Variants in RYK observed in about 807,000 individuals in gnomAD.
RYK encodes the protein inactive tyrosine-protein kinase RYK.
A neutral mutation model predicts 70.2 loss-of-function variants in RYK; 21 were observed. That is an observed-to-expected ratio of 0.30 (90% CI 0.21 to 0.43). The LOEUF is 0.43. Among genes scored for constraint, RYK ranks in the 20% least tolerant of loss-of-function variants. The pLI, the probability that RYK is intolerant of heterozygous loss-of-function variation, is 1.00. For synonymous variants in RYK, 267 were observed against 278.0 expected (o/e 0.96, Z 0.39); for missense variants, 604 against 753.3 (o/e 0.80, Z 2.32).
In RYK at chr3:134,220,639, GTTC is replaced by G. The variant is rs547148798; in HGVS notation, c.354+1776_354+1778del. On this transcript the variant is annotated intron_variant, in intron 2 of 14. Coordinates refer to ENST00000623711, the MANE Select transcript of RYK (RefSeq NM_002958.4). ...TGCACAAAAACTTCTGAACAAAGAT[GTTC>G]TTAACATATTTATATACATACACAC... Among the ~76,000 whole-genome samples the G allele has an allele frequency of 4.6e-3, 698 of 152,220 alleles. 2 individuals are homozygous for G. Among genetic ancestry groups the G allele is most frequent in the African/African-American group, 0.016 (668 of 41,520 alleles).
At chr3:134,174,167 G>C (rs376502425) in intron 13 of RYK, among the ~76,000 whole-genome samples, 2 of 152,212 alleles carry the variant, frequency 1.3e-5, no homozygotes, top group South Asian at 4.1e-4. Context: ...ACAGCCACCA[G>C]AGCTGAAAGA....
At chr3:134,204,438 G>T (rs1383891880) in intron 5 of RYK, among the ~76,000 whole-genome samples, 2 of 152,066 alleles carry the variant, frequency 1.3e-5, no homozygotes, top group Non-Finnish European at 2.9e-5. Context: ...GGCAGAGGTT[G>T]CAGTGAGCCA....
chr3:134,245,267 G>A (rs1047215935), intron 1 of RYK, among the ~76,000 whole-genome samples: 10 of 151,848 alleles, frequency 6.6e-5, no homozygotes, highest in African/African-American at 1.9e-4. Context: ...ACTGCCACAC[G>A]TCATCTTCAA....
chr3:134,176,536 C>T (rs764310639), intron 11 of RYK, among the ~76,000 whole-genome samples: 24 of 151,710 alleles, frequency 1.6e-4, no homozygotes, highest in Non-Finnish European at 2.9e-4. Context: ...CCCAGGAGTT[C>T]GAGACCAACC....
chr3:134,163,390 A>T (rs1253531306), intron 13 of RYK, among the ~76,000 whole-genome samples: 1 of 152,234 alleles, frequency 6.6e-6, no homozygotes, highest in Non-Finnish European at 1.5e-5. Context: ...GAAAGGGGGC[A>T]ATAAGAAGGT....
At chr3:134,242,956 C>T (rs1338028312) in intron 1 of RYK, among the ~76,000 whole-genome samples, 2 of 152,194 alleles carry the variant, frequency 1.3e-5, no homozygotes, top group East Asian at 3.9e-4. Flanking sequence ...CACCAAAACG[C>T]CTAGGGTTAA....
chr3:134,192,894 T>C (rs893003601), intron 7 of RYK, among the ~76,000 whole-genome samples: 16 of 152,226 alleles, frequency 1.1e-4, no homozygotes, highest in African/African-American at 3.9e-4. Context: ...TGAGTATATG[T>C]GAATGTTTAA....
intron 13 of RYK, among the ~76,000 whole-genome samples, chr3:134,160,588 C>T (rs2012427139): frequency 6.6e-6 from 1 of 152,084 alleles, no homozygotes; most frequent in African/African-American, 2.4e-5. Context: ...TATTTTAGGG[C>T]CAGGCACGGT....
chr3:134,215,694 T>C (rs188406451), intron 2 of RYK, among the ~76,000 whole-genome samples: 1 of 152,108 alleles, frequency 6.6e-6, no homozygotes, highest in Non-Finnish European at 1.5e-5. Flanking sequence ...ACAAAGAAAT[T>C]TGAACAGCAG....
chr3:134,231,989 A>G (rs770518901), intron 1 of RYK, among the ~76,000 whole-genome samples: 5 of 152,058 alleles, frequency 3.3e-5, no homozygotes, highest in Admixed American at 6.6e-5. Context: ...TTTATTCCTC[A>G]ACTCCAACAA....
chr3:134,194,419 T>C (rs2013749714), intron 7 of RYK, among the ~76,000 whole-genome samples: 1 of 152,212 alleles, frequency 6.6e-6, no homozygotes. Flanking sequence ...GCTATTTCCT[T>C]GATATCTGAC....
intron 7 of RYK, 49 bp downstream of exon 7, chr3:134,195,033 A>G: frequency 7.8e-7 from 1 of 1,274,976 alleles, no homozygotes; most frequent in African/African-American, 1.5e-5. Flanking sequence ...ACTGGGAAGC[A>G]GCATAGACAA....
At chr3:134,239,936 A>G (rs774470670) in intron 1 of RYK, among the ~76,000 whole-genome samples, 62 of 152,222 alleles carry the variant, frequency 4.1e-4, no homozygotes, top group Non-Finnish European at 7.2e-4. Flanking sequence ...AAAGAACGCA[A>G]GGCAGAGGTG....
chr3:134,195,878 G>A (rs995596732), intron 6 of RYK, among the ~76,000 whole-genome samples: 1 of 151,936 alleles, frequency 6.6e-6, no homozygotes, highest in Non-Finnish European at 1.5e-5. Context: ...TCTGGGAGGT[G>A]GAGTTTGCAG....
chr3:134,244,907 CA>C (rs894655399), intron 1 of RYK, among the ~76,000 whole-genome samples: 1 of 152,178 alleles, frequency 6.6e-6, no homozygotes, highest in African/African-American at 2.4e-5. Context: ...TAAAAAGACC[CA>C]GGGGAGCTCG....
chr3:134,209,697 T>C lies in RYK; in HGVS notation c.587A>G (p.Lys196Arg). 1 of 1,460,556 alleles carries C rather than the reference T, an allele frequency of 6.8e-7. No individual in the cohort carries two copies. Among genetic ancestry groups the C allele is most frequent in the Non-Finnish European group, 9.1e-7 (1 of 1,098,380 alleles). The allele number at this position is 1,460,556 out of a possible 1,614,324, so 90.5% of individuals were successfully genotyped here. The change falls in exon 4 of 15, where the codon AAA (lysine) becomes AGA (arginine). Residue 196 changes from lysine (K) to arginine (R), a missense_variant and splice_region_variant. Physicochemically the swap from Lys to Arg is conservative, Grantham distance 26 (BLOSUM62 2). Coordinates refer to ENST00000623711, the MANE Select transcript of RYK (RefSeq NM_002958.4). ...ATTTTGGTAAATAAATTCCTTACTTTTGTAGCACATTTTCCTTCGTTTAAA... is the reference window on the plus strand; with the variant it reads ...ATTTTGGTAAATAAATTCCTTACTTCTGTAGCACATTTTCCTTCGTTTAAA... ...LNFKRRKMCYKKLEEVKTSAL... is the reference protein window; with the variant it reads ...LNFKRRKMCYRKLEEVKTSAL...
intron 13 of RYK, among the ~76,000 whole-genome samples, chr3:134,162,893 A>G (rs1328843398): frequency 6.6e-6 from 1 of 152,172 alleles, no homozygotes; most frequent in Admixed American, 6.5e-5. Flanking sequence ...GGAAGAAGAA[A>G]CCATGGGAAT....
At chr3:134,213,728 G>C (rs2014469356) in intron 2 of RYK, among the ~76,000 whole-genome samples, 1 of 152,152 alleles carries the variant, frequency 6.6e-6, no homozygotes, top group African/African-American at 2.4e-5. Flanking sequence ...AGTAGGGTCG[G>C]CACTCTTTAG....
chr3:134,167,439 C>T (rs6771052), intron 13 of RYK, among the ~76,000 whole-genome samples: 2,579 of 152,242 alleles, frequency 0.017, 65 homozygotes, highest in African/African-American at 0.059. Flanking sequence ...AAAAATAATA[C>T]TACACATCTA....
Sources: gnomAD v4.1 joint callset for allele counts (sites outside exome capture counted in the v4.1 genomes callset) on GRCh38, gnomAD v4.1.1 for gene constraint, MANE v1.5 for transcripts, NCBI Gene and HGNC (gene_info 2026-07-23, HGNC 2026-07-21) for gene names.